Variants in PRKCQ observed in about 807,000 individuals in gnomAD.
PRKCQ encodes the protein protein kinase C theta, also known as protein kinase C theta type.
A neutral mutation model predicts 91.2 loss-of-function variants in PRKCQ; 41 were observed. That is an observed-to-expected ratio of 0.45 (90% CI 0.35 to 0.58). PRKCQ has a LOEUF of 0.58. Among genes scored for constraint, PRKCQ ranks in the 20% least tolerant of loss-of-function variants. The probability of loss-of-function intolerance (pLI) is 0.00; values close to 1 mark genes in which losing one functional copy is unlikely to be tolerated. For synonymous variants in PRKCQ, 307 were observed against 316.9 expected, an observed-to-expected ratio of 0.97 and a Z score of 0.33; for missense variants, 673 against 896.5, an observed-to-expected ratio of 0.75 and a Z score of 3.18.
At chr10:6,519,502 A>C (rs1321388375) in intron 1 of PRKCQ, among the ~76,000 whole-genome samples, 1 of 152,186 alleles carries the variant, frequency 6.6e-6, no homozygotes, top group Non-Finnish European at 1.5e-5. Flanking sequence ...TAATAACAAG[A>C]ATAATCAGGC....
In PRKCQ at chr10:6,445,121, C is replaced by CTCAAAAAAA. The variant is rs779476076; in HGVS notation, c.1648-3041_1648-3040insTTTTTTTGA. Among the ~76,000 whole-genome samples the CTCAAAAAAA allele has an allele frequency of 2.0e-4, 21 of 105,418 alleles. 1 individual carries two copies. Among genetic ancestry groups the CTCAAAAAAA allele is most frequent in the African/African-American group, 8.8e-4 (20 of 22,666 alleles). The allele number at this position is 105,418 out of a possible 152,430, so 69.2% of individuals were successfully genotyped here. ...CCTAGGTGACAGAGCAAGACTCTGT[C>CTCAAAAAAA]AAAAAAAAAAAAAAAAAAAAAAAAA... is the stretch of plus-strand genomic sequence containing the variant. On this transcript the variant is annotated intron_variant, in intron 15 of 17. Transcript: ENST00000263125.
At chr10:6,562,525 A>T (rs1840674198) in intron 1 of PRKCQ, among the ~76,000 whole-genome samples, 1 of 152,218 alleles carries the variant, frequency 6.6e-6, no homozygotes, top group African/African-American at 2.4e-5. Context: ...CATAAGTAAT[A>T]CATTGGACAG....
chr10:6,519,603 C>T (rs604919), intron 1 of PRKCQ, among the ~76,000 whole-genome samples: 104,766 of 151,536 alleles, frequency 0.69, 37,578 homozygotes, highest in Admixed American at 0.81. Context: ...CATTCTTTCC[C>T]GATAAGCAAA....
the PRKCQ span, among the ~76,000 whole-genome samples, chr10:6,402,371 CAAAAAAAAAAAA>C: frequency 4.5e-5 from 3 of 66,548 alleles, no homozygotes; most frequent in East Asian, 5.2e-4. Context: ...ATTTCAATGC[CAAAAAAAAAAAA>C]AAAAAAAAAA....
At chr10:6,457,272 G>A (rs1835061512) in intron 14 of PRKCQ, among the ~76,000 whole-genome samples, 1 of 152,172 alleles carries the variant, frequency 6.6e-6, no homozygotes, top group Non-Finnish European at 1.5e-5. Flanking sequence ...AGAATGTCAT[G>A]CCAACAAACT....
At chr10:6,539,508 G>A (rs993287420) in intron 1 of PRKCQ, among the ~76,000 whole-genome samples, 1 of 151,940 alleles carries the variant, frequency 6.6e-6, no homozygotes, top group African/African-American at 2.4e-5. Flanking sequence ...ACCTGTCACT[G>A]TCTCCCATTA....
chr10:6,444,152 C>CCTCTGCCTCCTGGGTTCAAGTAA (rs1299314106), intron 15 of PRKCQ, among the ~76,000 whole-genome samples: 1 of 152,172 alleles, frequency 6.6e-6, no homozygotes, highest in East Asian at 1.9e-4. Context: ...CTCACTGCAA[C>CCTCTGCCTCCTGGGTTCAAGTAA]CTCTGCCTCC....
At chr10:6,424,996 G>A (rs553512608), downstream of PRKCQ, among the ~76,000 whole-genome samples, 316 of 152,306 alleles carry the variant, frequency 2.1e-3, no homozygotes, top group Non-Finnish European at 4.0e-3. Flanking sequence ...ACTGGCCCCC[G>A]CACTGCGTCC....
At chr10:6,537,798 C>T (rs923706992) in intron 1 of PRKCQ, among the ~76,000 whole-genome samples, 1 of 152,188 alleles carries the variant, frequency 6.6e-6, no homozygotes, top group African/African-American at 2.4e-5. Flanking sequence ...AGAAAAGAAG[C>T]CACACATTTT....
chr10:6,477,432 C>T lies in PRKCQ; in HGVS notation c.1353+1560G>A, dbSNP rs77112227. On this transcript the variant is annotated intron_variant, in intron 12 of 17. Transcript: ENST00000263125. ...ACATATGCTGAGAATCTACTGGGAA[C>T]TGCAGAGGTGGTGATGGATGCCCCA... 3.6e-3 allele frequency among the ~76,000 whole-genome samples: 545 copies of T among 152,310 alleles called. 5 individuals are homozygous for T. Among genetic ancestry groups the T allele is most frequent in the African/African-American group, 0.013 (520 of 41,560 alleles).
At chr10:6,548,851 G>T (rs1840075456) in intron 1 of PRKCQ, among the ~76,000 whole-genome samples, 1 of 151,970 alleles carries the variant, frequency 6.6e-6, no homozygotes, top group Non-Finnish European at 1.5e-5. Flanking sequence ...ACTGCACATG[G>T]TGCACATGTA....
intron 2 of PRKCQ, among the ~76,000 whole-genome samples, chr10:6,513,327 A>G (rs542293837): frequency 1.3e-5 from 2 of 152,048 alleles, no homozygotes; most frequent in South Asian, 2.1e-4. Context: ...AAAAGCAAAA[A>G]TCTCTAAACT....
rs531206801 is a variant in PRKCQ at position 6,475,988 on chromosome 10, G to A, written c.1353+3004C>T. Among the ~76,000 whole-genome samples the A allele has an allele frequency of 5.9e-5, 9 of 152,202 alleles. No homozygotes were observed. In the East Asian group the frequency reaches 1.7e-3, roughly 29 times the overall value. ...TTTCTCTCCCAGCACCAATGCTGTG[G>A]ATGCACTTGTGGCTCAGGTCTTGGT... On this transcript the variant is annotated intron_variant, in intron 12 of 17. Coordinates refer to ENST00000263125, the MANE Select transcript of PRKCQ (RefSeq NM_006257.5).
chr10:6,418,026 G>A, the PRKCQ span, among the ~76,000 whole-genome samples: 24 of 152,220 alleles, frequency 1.6e-4, no homozygotes, highest in Admixed American at 5.9e-4. Context: ...CCAGATGCCC[G>A]TCTTCTTGTC....
Position 6,576,307 on chromosome 10 carries a change from T to C in PRKCQ, c.-10+3904A>G, listed in dbSNP as rs1841235235. Among the ~76,000 whole-genome samples, 1 of 152,132 alleles carries C rather than the reference T, an allele frequency of 6.6e-6. No individual in the cohort carries two copies. The highest frequency in any genetic ancestry group is 2.1e-4 in the South Asian group (1 of 4,828). On this transcript the variant is annotated intron_variant, in intron 1 of 17. Transcript: ENST00000263125. This position sits in a 1 kb window ranked among gnomAD's most constrained non-coding sequence, Gnocchi z 4.2. ...AATAATCAAAAGATAGAAGCAACCA[T>C]CAACAGATACAAGGATAAGCAAAAT... is the stretch of plus-strand genomic sequence containing the variant.
chr10:6,493,637 A>G (rs1837440006), intron 7 of PRKCQ, among the ~76,000 whole-genome samples: 1 of 152,230 alleles, frequency 6.6e-6, no homozygotes, highest in Admixed American at 6.5e-5. Context: ...GTTAACAGTG[A>G]TTCAGAGATT....
chr10:6,557,544 C>A (rs1309497859), intron 1 of PRKCQ, among the ~76,000 whole-genome samples: 1 of 152,148 alleles, frequency 6.6e-6, no homozygotes, highest in Non-Finnish European at 1.5e-5. Flanking sequence ...TTTTGGAATA[C>A]ATTTTGACTT....
chr10:6,440,702 G>C (rs1833925787), intron 16 of PRKCQ, among the ~76,000 whole-genome samples: 1 of 152,104 alleles, frequency 6.6e-6, no homozygotes, highest in South Asian at 2.1e-4. Flanking sequence ...AAATTTATGT[G>C]ATGAGGCTGG....
chr10:6,497,334 A>C lies in PRKCQ; in HGVS notation c.543-83T>G. The stretch of plus-strand genomic sequence containing the variant: ...GCATTTAAGAGATGGATGAGATCTC[A>C]TAACCCCCTAAGATCACAGAGCAGT... On this transcript the variant is annotated intron_variant, in intron 5 of 17. Coordinates refer to ENST00000263125, the MANE Select transcript of PRKCQ (RefSeq NM_006257.5). This position sits in a 1 kb window ranked among gnomAD's most constrained non-coding sequence, Gnocchi z 4.5. 8.6e-5 allele frequency: 127 copies of C among 1,478,914 alleles called. No homozygotes were observed. The highest frequency in any genetic ancestry group is 1.1e-4 in the Non-Finnish European group (118 of 1,058,540). The allele number at this position is 1,478,914 out of a possible 1,614,324, so 91.6% of individuals were successfully genotyped here.
Sources: allele counts gnomAD v4.1 joint callset (sites outside exome capture counted in the v4.1 genomes callset), GRCh38; gene constraint gnomAD v4.1.1; non-coding constraint Gnocchi (gnomAD v3.1); transcripts MANE v1.5; gene names NCBI Gene and HGNC (gene_info 2026-07-23, HGNC 2026-07-21).